SNX8: variants seen among roughly 807,000 people sequenced by gnomAD.
SNX8 encodes sorting nexin 8.
SNX8 carries 25 observed loss-of-function variants against 51.6 expected under a neutral mutation model. That is an observed-to-expected ratio of 0.48 (90% CI 0.35 to 0.68). The LOEUF (loss-of-function observed/expected upper bound fraction) is 0.68. SNX8 is among the 30% of genes least tolerant of loss of function. The probability of loss-of-function intolerance (pLI) is 0.00; values close to 1 mark genes in which losing one functional copy is unlikely to be tolerated. For missense variants in SNX8, 695 were observed against 624.0 expected, an observed-to-expected ratio of 1.11 and a Z score of -1.21; for synonymous variants, 324 against 277.0, an observed-to-expected ratio of 1.17 and a Z score of -1.68.
intron 1 of SNX8, among the ~76,000 whole-genome samples, chr7:2,346,922 A>C (rs1254274834): frequency 7.9e-6 from 1 of 127,262 alleles, no homozygotes; most frequent in Admixed American, 7.6e-5. Context: ...ACTCCGTCTC[A>C]AAAAAAAAAA....
At chr7:2,278,503 G>A (rs1795836334) in intron 1 of SNX8, among the ~76,000 whole-genome samples, 198 bp from the exon 2 acceptor site, 1 of 152,188 alleles carries the variant, frequency 6.6e-6, no homozygotes, top group Non-Finnish European at 1.5e-5. Flanking sequence ...AAATTGAAAA[G>A]TGCAGCCTCC....
At chr7:2,305,760 C>T (rs1033560038) in intron 1 of SNX8, among the ~76,000 whole-genome samples, 2 of 152,060 alleles carry the variant, frequency 1.3e-5, no homozygotes, top group African/African-American at 4.8e-5. Context: ...TTACCAAACA[C>T]GTGTAACCAC....
chr7:2,291,347 C>T (rs1429720262), intron 1 of SNX8, among the ~76,000 whole-genome samples: 1 of 152,014 alleles, frequency 6.6e-6, no homozygotes, highest in African/African-American at 2.4e-5. Context: ...CCTGTAATCC[C>T]AGCACTTTGG....
chr7:2,293,789 C>A lies in SNX8; in HGVS notation c.95-15484G>T, dbSNP rs950980417. Among the ~76,000 whole-genome samples, 3 of 144,580 alleles carry A rather than the reference C, an allele frequency of 2.1e-5. No homozygotes were observed. In the East Asian group the frequency reaches 6.1e-4, roughly 30 times the overall value. 94.9% of individuals were successfully genotyped at this position (144,580 alleles called of 152,430 possible). On this transcript the variant is annotated intron_variant, in intron 1 of 10. Transcript: ENST00000222990. Reference sequence around the variant, plus strand: ...ACCTGCCTGGCCAACATGGTGAAATCCCGTCTCTACTAAAAATACAAAAAT... The same window carrying A: ...ACCTGCCTGGCCAACATGGTGAAATACCGTCTCTACTAAAAATACAAAAAT...
intron 8 of SNX8, 49 bp downstream of exon 8, chr7:2,257,686 G>C (rs758585371): frequency 4.4e-6 from 7 of 1,596,686 alleles, no homozygotes; most frequent in South Asian, 2.2e-5. Flanking sequence ...AGGATCCTAA[G>C]ATCATTCCTG....
At chr7:2,329,108 C>T (rs1008051929) in intron 1 of SNX8, among the ~76,000 whole-genome samples, 1 of 134,662 alleles carries the variant, frequency 7.4e-6, no homozygotes, top group Non-Finnish European at 1.6e-5. Context: ...ACAAAACATA[C>T]AAAATACAAA....
intron 1 of SNX8, among the ~76,000 whole-genome samples, chr7:2,325,051 C>T (rs188894005): frequency 2.9e-4 from 44 of 152,312 alleles, no homozygotes; most frequent in Admixed American, 9.8e-4. Context: ...CCAGGCCAGT[C>T]TCAAGGACAG....
intron 1 of SNX8, among the ~76,000 whole-genome samples, chr7:2,301,772 G>C (rs1343698573): frequency 6.6e-6 from 1 of 152,074 alleles, no homozygotes; most frequent in South Asian, 2.1e-4. Flanking sequence ...CCTCAATTTC[G>C]ACTGCTATCC....
intron 1 of SNX8, among the ~76,000 whole-genome samples, chr7:2,303,615 A>T (rs1427921504): frequency 1.3e-5 from 2 of 152,192 alleles, no homozygotes; most frequent in Non-Finnish European, 1.5e-5. Flanking sequence ...TACTAAGAAA[A>T]ATTCTTCTGC....
Position 2,291,017 on chromosome 7 carries a change from G to A in SNX8, c.95-12712C>T, listed in dbSNP as rs1170963185. Among the ~76,000 whole-genome samples the A allele has an allele frequency of 3.3e-5, 5 of 152,270 alleles. No individual in the cohort carries two copies. The South Asian group carries it at 6.2e-4, about 19-fold the overall frequency. On this transcript the variant is annotated intron_variant, in intron 1 of 10. Coordinates refer to ENST00000222990, the MANE Select transcript of SNX8 (RefSeq NM_013321.4). Reference sequence around the variant, plus strand: ...AGCAAAGTATAAACAGTCTTGTAGCGGGGCACTGGCTCACGCCTGCAATCC... The same window carrying A: ...AGCAAAGTATAAACAGTCTTGTAGCAGGGCACTGGCTCACGCCTGCAATCC...
At chr7:2,279,959 A>G (rs1025731689) in intron 1 of SNX8, among the ~76,000 whole-genome samples, 4 of 152,106 alleles carry the variant, frequency 2.6e-5, no homozygotes, top group Non-Finnish European at 5.9e-5. Flanking sequence ...AACCAAATAA[A>G]CTAGCCATAC....
chr7:2,334,275 C>T (rs1385490491), intron 1 of SNX8, among the ~76,000 whole-genome samples: 1 of 151,964 alleles, frequency 6.6e-6, no homozygotes, highest in African/African-American at 2.4e-5. Context: ...TGGTGGCGGG[C>T]ACCTGTAGTC....
intron 1 of SNX8, among the ~76,000 whole-genome samples, chr7:2,324,015 G>T (rs1778584019): frequency 1.3e-5 from 2 of 151,970 alleles, no homozygotes; most frequent in African/African-American, 4.8e-5. Flanking sequence ...AGCTACTTGG[G>T]AGGCTGAGGC....
In SNX8 at chr7:2,285,029, G is replaced by A. The variant is rs572455760; in HGVS notation, c.95-6724C>T. Among the ~76,000 whole-genome samples the A allele has an allele frequency of 1.1e-4, 17 of 151,962 alleles. No individual in the cohort carries two copies. The South Asian group carries it at 1.7e-3, about 15-fold the overall frequency. On this transcript the variant is annotated intron_variant, in intron 1 of 10. Transcript: ENST00000222990. ...AGATCGAGACCATCCTGGCTAACACGATGAAACCTCATCTCTTCTAAAAAT... is the reference window on the plus strand; with the variant it reads ...AGATCGAGACCATCCTGGCTAACACAATGAAACCTCATCTCTTCTAAAAAT...
intron 1 of SNX8, among the ~76,000 whole-genome samples, chr7:2,298,266 C>T (rs571034170): frequency 1.3e-5 from 2 of 152,082 alleles, no homozygotes; most frequent in African/African-American, 2.4e-5. Context: ...TACAGGCCTG[C>T]CCCATCATGT....
At chr7:2,345,983 T>G (rs1366701894) in intron 1 of SNX8, among the ~76,000 whole-genome samples, 5 of 151,858 alleles carry the variant, frequency 3.3e-5, no homozygotes, top group African/African-American at 1.2e-4. Context: ...AATTTTTGTA[T>G]TTTTAGTAGA....
At chr7:2,273,773 G>A (rs1485362279) in intron 3 of SNX8, among the ~76,000 whole-genome samples, 3 of 150,914 alleles carry the variant, frequency 2.0e-5, no homozygotes, top group Non-Finnish European at 2.9e-5. Flanking sequence ...GCGTGGTGGC[G>A]GGCGCCTGTA....
intron 1 of SNX8, among the ~76,000 whole-genome samples, chr7:2,292,471 G>T (rs897593698): frequency 2.0e-5 from 3 of 151,416 alleles, no homozygotes; most frequent in Admixed American, 2.0e-4. Context: ...TAGTGCAGTG[G>T]CGCGATCTCG....
chr7:2,285,341 T>A (rs13220928), intron 1 of SNX8, among the ~76,000 whole-genome samples: 56,455 of 151,664 alleles, frequency 0.37, 11,103 homozygotes, highest in East Asian at 0.66. Context: ...GTGAGCCAAG[T>A]TCGCGCCACT....
Sources: allele counts gnomAD v4.1 joint callset (sites outside exome capture counted in the v4.1 genomes callset), GRCh38; gene constraint gnomAD v4.1.1; transcripts MANE v1.5; gene names NCBI Gene and HGNC (gene_info 2026-07-23, HGNC 2026-07-21).